Variants in AK4 observed in about 807,000 individuals in gnomAD.
AK4 encodes adenylate kinase 4.
Under a neutral mutation model 24.6 loss-of-function variants are expected in AK4, and 13 were observed. The observed-to-expected ratio is 0.53, with a 90% CI of 0.34 to 0.84. The LOEUF (loss-of-function observed/expected upper bound fraction) is 0.84. Ranked by LOEUF, AK4 falls within the 40% of genes least tolerant of loss-of-function variation. AK4 has a pLI of 0.01. For missense variants in AK4, 192 were observed against 288.2 expected (o/e 0.67, Z 2.42); for synonymous variants, 88 against 107.0 (o/e 0.82, Z 1.10).
At chr1:65,160,659 A>T (rs887938589) in intron 1 of AK4, among the ~76,000 whole-genome samples, 2 of 152,104 alleles carry the variant, frequency 1.3e-5, no homozygotes, top group African/African-American at 4.8e-5. Context: ...GAGTGGTGCA[A>T]TATTGGCTCA....
At chr1:65,163,097 A>G (rs147995163) in intron 1 of AK4, among the ~76,000 whole-genome samples, 90 of 152,302 alleles carry the variant, frequency 5.9e-4, no homozygotes, top group Non-Finnish European at 9.3e-4. Context: ...GTATGGATGT[A>G]AATGTTCATT....
intron 2 of AK4, among the ~76,000 whole-genome samples, chr1:65,215,419 G>T (rs1393247174): frequency 6.6e-6 from 1 of 152,058 alleles, no homozygotes; most frequent in Non-Finnish European, 1.5e-5. Flanking sequence ...TCATTCACCC[G>T]CCTCGGCCTC....
intron 1 of AK4, among the ~76,000 whole-genome samples, chr1:65,160,540 G>T (rs1650125425): frequency 6.6e-6 from 1 of 152,026 alleles, no homozygotes; most frequent in Non-Finnish European, 1.5e-5. Context: ...GACTCCCAAG[G>T]TGATGAAGCC....
At chr1:65,212,403 C>T (rs1460372754) in intron 2 of AK4, among the ~76,000 whole-genome samples, 1 of 151,784 alleles carries the variant, frequency 6.6e-6, no homozygotes, top group Non-Finnish European at 1.5e-5. Context: ...CTCAGGTGAT[C>T]TTCCCACCTT....
chr1:65,208,482 C>G (rs1289430825), intron 2 of AK4, among the ~76,000 whole-genome samples: 1 of 152,166 alleles, frequency 6.6e-6, no homozygotes, highest in Non-Finnish European at 1.5e-5. Context: ...CAACTTTAAG[C>G]TAATCATCAG....
At chr1:65,204,545 G>T (rs1651759596) in intron 2 of AK4, among the ~76,000 whole-genome samples, 1 of 152,132 alleles carries the variant, frequency 6.6e-6, no homozygotes, top group Admixed American at 6.6e-5. Context: ...AAGTGAACCT[G>T]AAGGAGTTAT....
At chr1:65,151,402 A>G (rs1465572896) in intron 1 of AK4, among the ~76,000 whole-genome samples, 1 of 152,180 alleles carries the variant, frequency 6.6e-6, no homozygotes, top group African/African-American at 2.4e-5. Context: ...GCTGGGGGCA[A>G]TAGCATTAAG....
chr1:65,222,060 T>G (rs1379714300), intron 3 of AK4, among the ~76,000 whole-genome samples: 2 of 152,158 alleles, frequency 1.3e-5, no homozygotes, highest in South Asian at 4.1e-4. Context: ...AAAGACCAGC[T>G]GGTGGTGGAT....
At chr1:65,153,919 G>A (rs1649884358) in intron 1 of AK4, among the ~76,000 whole-genome samples, 1 of 152,202 alleles carries the variant, frequency 6.6e-6, no homozygotes, top group Non-Finnish European at 1.5e-5. Flanking sequence ...AGCCTAGCAA[G>A]TAGAAGGGAT....
At chr1:65,183,754 T>C (rs1650994297) in intron 1 of AK4, among the ~76,000 whole-genome samples, 1 of 151,958 alleles carries the variant, frequency 6.6e-6, no homozygotes, top group Non-Finnish European at 1.5e-5. Flanking sequence ...TATTGGCTCT[T>C]CTACTTACAG....
intron 2 of AK4, among the ~76,000 whole-genome samples, chr1:65,203,850 A>G (rs908220270): frequency 5.3e-5 from 8 of 152,268 alleles, no homozygotes; most frequent in Admixed American, 2.0e-4. Flanking sequence ...CTTGTGTAGT[A>G]ATGTAAAACA....
chr1:65,202,618 G>A (rs1479366656), intron 2 of AK4, among the ~76,000 whole-genome samples: 1 of 152,070 alleles, frequency 6.6e-6, no homozygotes, highest in African/African-American at 2.4e-5. Flanking sequence ...AGGAGAACCT[G>A]CTTCCCTAAT....
intron 2 of AK4, among the ~76,000 whole-genome samples, chr1:65,211,896 G>A (rs750841310): frequency 2.0e-4 from 31 of 152,320 alleles, no homozygotes; most frequent in Middle Eastern, 3.4e-3. Context: ...GAGTGTTGGC[G>A]TGTGGTAGAG....
chr1:65,204,043 G>A (rs1423292623), intron 2 of AK4, among the ~76,000 whole-genome samples: 2 of 151,856 alleles, frequency 1.3e-5, no homozygotes, highest in South Asian at 2.1e-4. Flanking sequence ...AAAATGCAAC[G>A]GAAAGCAACA....
intron 2 of AK4, among the ~76,000 whole-genome samples, chr1:65,197,955 G>A (rs998453179): frequency 2.6e-5 from 4 of 152,148 alleles, no homozygotes; most frequent in African/African-American, 7.2e-5. Flanking sequence ...GCCCTTGTGA[G>A]TCTAGGGTAT....
rs573457533 is a variant in AK4, at chr1:65,181,249, C to G, written c.146-9461C>G. Among the ~76,000 whole-genome samples the G allele has an allele frequency of 5.3e-5, 8 of 151,858 alleles. No homozygotes were observed. In the South Asian group the frequency reaches 1.7e-3, roughly 32 times the overall value. ...CCCCATAGCTCCTTTTTCCATCTCTCTCCTCCAGCACTATCCTGCATCTTG... is the reference window on the plus strand; with the variant it reads ...CCCCATAGCTCCTTTTTCCATCTCTGTCCTCCAGCACTATCCTGCATCTTG... On this transcript the variant is annotated intron_variant, in intron 1 of 4. Coordinates refer to ENST00000327299, the MANE Select transcript of AK4 (RefSeq NM_013410.4).
At chr1:65,148,986 C>T (rs1649670595) in intron 1 of AK4, 1 of 152,622 alleles carries the variant, frequency 6.6e-6, no homozygotes, top group South Asian at 2.1e-4. Flanking sequence ...GCGCCGCCCA[C>T]CTGTGGCAGT....
At chr1:65,223,509 G>A (rs996711449) in intron 3 of AK4, among the ~76,000 whole-genome samples, 2 of 151,896 alleles carry the variant, frequency 1.3e-5, no homozygotes, top group African/African-American at 2.4e-5. Flanking sequence ...ATGTTATCAC[G>A]TATGATGAGA....
chr1:65,206,157 C>T (rs989404050), intron 2 of AK4, among the ~76,000 whole-genome samples: 2 of 152,180 alleles, frequency 1.3e-5, no homozygotes, highest in Admixed American at 6.5e-5. Context: ...CCTCCCCTAT[C>T]CCTCCACCCC....
Sources: allele counts gnomAD v4.1 joint callset (sites outside exome capture counted in the v4.1 genomes callset), GRCh38; gene constraint gnomAD v4.1.1; transcripts MANE v1.5; gene names NCBI Gene and HGNC (gene_info 2026-07-23, HGNC 2026-07-21).